Variants in MIPEP observed in about 807,000 individuals in gnomAD.
The protein encoded by MIPEP is mitochondrial intermediate peptidase.
A neutral mutation model predicts 90.3 loss-of-function variants in MIPEP; 79 were observed. The observed-to-expected ratio is 0.87, with a 90% CI of 0.73 to 1.05. The LOEUF is 1.05. Among genes scored for constraint, MIPEP ranks in the 50% least tolerant of loss-of-function variants. The pLI, the probability that MIPEP is intolerant of heterozygous loss-of-function variation, is 0.00. For synonymous variants in MIPEP, 334 were observed against 315.8 expected (o/e 1.06, Z -0.61); for missense variants, 940 against 905.6 (o/e 1.04, Z -0.49).
intron 14 of MIPEP, 56 bp downstream of exon 14, chr13:23,836,184 C>A: frequency 1.8e-6 from 2 of 1,139,884 alleles, no homozygotes; most frequent in South Asian, 1.7e-5. Flanking sequence ...TCCAGGATGT[C>A]ATAAACGCCA....
chr13:23,879,174 A>G, intron 4 of MIPEP, 94 bp downstream of exon 4: 2 of 740,502 alleles, frequency 2.7e-6, no homozygotes, highest in Non-Finnish European at 4.7e-6. Flanking sequence ...ATTCCAGACA[A>G]CAGAGGCTGC....
At chr13:23,799,617 C>T (rs1223372118) in intron 16 of MIPEP, among the ~76,000 whole-genome samples, 2 of 152,208 alleles carry the variant, frequency 1.3e-5, no homozygotes, top group African/African-American at 4.8e-5. Context: ...TGAGCCACTG[C>T]GCCCGGCCTA....
At chr13:23,848,967 C>T (rs1370118573) in intron 10 of MIPEP, among the ~76,000 whole-genome samples, 1 of 152,216 alleles carries the variant, frequency 6.6e-6, no homozygotes, top group Non-Finnish European at 1.5e-5. Flanking sequence ...CCCCAAGGAG[C>T]AGTCCCACAT....
Position 23,793,990 on chromosome 13 carries a change from C to T in MIPEP, c.1848+11960G>A, listed in dbSNP as rs933403541. On this transcript the variant is annotated intron_variant, in intron 16 of 18. Transcript: ENST00000382172. ...GAGGGTTTTAAGGGAAGGGACGTCA[C>T]ACTCAAATCTGTATTTAGAAAAGAC... Among the ~76,000 whole-genome samples, 9 of 152,188 alleles carry T rather than the reference C, an allele frequency of 5.9e-5. No homozygotes were observed. The East Asian group carries it at 9.7e-4, about 16-fold the overall frequency.
At chr13:23,771,179 G>A (rs1193349849) in intron 16 of MIPEP, among the ~76,000 whole-genome samples, 1 of 152,122 alleles carries the variant, frequency 6.6e-6, no homozygotes. Context: ...CCCTGACCGT[G>A]GCCACACCCA....
chr13:23,781,287 G>A (rs536761396), intron 16 of MIPEP, among the ~76,000 whole-genome samples: 1 of 152,184 alleles, frequency 6.6e-6, no homozygotes, highest in Non-Finnish European at 1.5e-5. Flanking sequence ...AGAAGAGAGT[G>A]GGGGCCAATA....
chr13:23,754,499 CAT>C (rs1248749225), intron 18 of MIPEP, among the ~76,000 whole-genome samples: 1 of 152,290 alleles, frequency 6.6e-6, no homozygotes, highest in East Asian at 1.9e-4. Context: ...CTTTTTCTCT[CAT>C]ATGTGAATTT....
intron 10 of MIPEP, among the ~76,000 whole-genome samples, chr13:23,847,506 C>A (rs1869600285): frequency 6.7e-6 from 1 of 148,650 alleles, no homozygotes; most frequent in African/African-American, 2.5e-5. Context: ...ACAGACATCA[C>A]GGATGTTGAG....
In MIPEP at chr13:23,837,276, T is replaced by C. The variant is rs985421346; in HGVS notation, c.1543+276A>G. On this transcript the variant is annotated intron_variant, in intron 13 of 18. Coordinates refer to ENST00000382172, the MANE Select transcript of MIPEP (RefSeq NM_005932.4). ...TATTCACACACACATAGCCACAAAC[T>C]TAAATTCAATATAAAACACTGTAAA... 5.9e-5 allele frequency among the ~76,000 whole-genome samples: 9 copies of C among 152,106 alleles called. 1 individual carries two copies. The highest frequency in any genetic ancestry group is 1.0e-4 in the Non-Finnish European group (7 of 68,012).
At chr13:23,770,414 T>A (rs530103914) in intron 16 of MIPEP, among the ~76,000 whole-genome samples, 1 of 152,124 alleles carries the variant, frequency 6.6e-6, no homozygotes, top group Non-Finnish European at 1.5e-5. Flanking sequence ...CCTTCTCTGA[T>A]GAGTAAAAAA....
At chr13:23,774,146 G>A (rs1214293242) in intron 16 of MIPEP, among the ~76,000 whole-genome samples, 1 of 151,996 alleles carries the variant, frequency 6.6e-6, no homozygotes, top group Non-Finnish European at 1.5e-5. Flanking sequence ...TTTGCATGTG[G>A]AGATCCAGTT....
chr13:23,741,525 T>G (rs1201048364), intron 18 of MIPEP, among the ~76,000 whole-genome samples: 1 of 152,094 alleles, frequency 6.6e-6, no homozygotes, highest in African/African-American at 2.4e-5. Context: ...TGCAGAAACC[T>G]GGATGGAGTT....
In MIPEP at chr13:23,848,924, T is replaced by C. The variant is rs1869674553; in HGVS notation, c.1107-7436A>G. On this transcript the variant is annotated intron_variant, in intron 10 of 18. Transcript: ENST00000382172. Reference sequence around the variant, plus strand: ...GGAAGAGATTCAAAAAGCTACAGGGTGTTTCCCGCAGCTCCAACCCACATC... The same window carrying C: ...GGAAGAGATTCAAAAAGCTACAGGGCGTTTCCCGCAGCTCCAACCCACATC... Among the ~76,000 whole-genome samples, 3 of 152,108 alleles carry C rather than the reference T, an allele frequency of 2.0e-5. No individual in the cohort carries two copies. In the South Asian group the frequency reaches 6.2e-4, roughly 32 times the overall value.
chr13:23,848,362 CT>C (rs1452884097), intron 10 of MIPEP, among the ~76,000 whole-genome samples: 1 of 152,160 alleles, frequency 6.6e-6, no homozygotes, highest in African/African-American at 2.4e-5. Context: ...CAAAGCTGAC[CT>C]TACCTCTAAA....
chr13:23,856,635 G>A (rs1436169589), intron 10 of MIPEP, among the ~76,000 whole-genome samples: 2 of 152,156 alleles, frequency 1.3e-5, no homozygotes, highest in Non-Finnish European at 2.9e-5. Context: ...TTATGCTAAT[G>A]AGTAGTGAGG....
chr13:23,856,639 A>G (rs141947491), intron 10 of MIPEP, among the ~76,000 whole-genome samples: 1 of 152,270 alleles, frequency 6.6e-6, no homozygotes, highest in East Asian at 1.9e-4. Flanking sequence ...GCTAATGAGT[A>G]GTGAGGGCAG....
Position 23,808,130 on chromosome 13 carries a change from G to T in MIPEP, c.1728+1720C>A, listed in dbSNP as rs545848131. Among the ~76,000 whole-genome samples the T allele has an allele frequency of 7.6e-4, 113 of 148,956 alleles. 1 individual carries two copies. The highest frequency in any genetic ancestry group is 3.5e-3 in the Middle Eastern group (1 of 286). On this transcript the variant is annotated intron_variant, in intron 15 of 18. Coordinates refer to ENST00000382172, the MANE Select transcript of MIPEP (RefSeq NM_005932.4). ...TGTTTTTTTTTTGAGACAGAGTCTC[G>T]CCCTGTCGCCCAGGCTGGAGTGCAG...
chr13:23,831,707 C>CAG (rs1868775738), intron 14 of MIPEP, among the ~76,000 whole-genome samples: 1 of 152,152 alleles, frequency 6.6e-6, no homozygotes, highest in African/African-American at 2.4e-5. Flanking sequence ...ACCCAGCCTC[C>CAG]AGAGAGAGCT....
intron 18 of MIPEP, among the ~76,000 whole-genome samples, chr13:23,754,889 A>C (rs1400890605): frequency 6.6e-6 from 1 of 152,262 alleles, no homozygotes; most frequent in Non-Finnish European, 1.5e-5. Flanking sequence ...GGTCTGGAAC[A>C]GACCCTGAAC....
Sources: gnomAD v4.1 joint callset for allele counts (sites outside exome capture counted in the v4.1 genomes callset) on GRCh38, gnomAD v4.1.1 for gene constraint, MANE v1.5 for transcripts, NCBI Gene and HGNC (gene_info 2026-07-23, HGNC 2026-07-21) for gene names.